PHF24: variants seen among roughly 807,000 people sequenced by gnomAD.
The protein encoded by PHF24 is PHD finger protein 24.
Under a neutral mutation model 42.6 loss-of-function variants are expected in PHF24, and 25 were observed. That is an observed-to-expected ratio of 0.59 (90% CI 0.43 to 0.82). The LOEUF (loss-of-function observed/expected upper bound fraction) is 0.82, where lower values mean the gene tolerates loss of function less well. Ranked by LOEUF, PHF24 falls within the 40% of genes least tolerant of loss-of-function variation. PHF24 has a pLI of 0.00. For synonymous variants in PHF24, 185 were observed against 204.8 expected (o/e 0.90, Z 0.83); for missense variants, 470 against 538.1 (o/e 0.87, Z 1.25).
the PHF24 span, among the ~76,000 whole-genome samples, chr9:34,911,134 A>G: frequency 6.6e-6 from 1 of 151,944 alleles, no homozygotes; most frequent in East Asian, 2.0e-4. Flanking sequence ...TATTTTGTCT[A>G]ATTACTAACT....
chr9:34,723,070 G>T, the PHF24 span: 2 of 787,858 alleles, frequency 2.5e-6, no homozygotes, highest in Non-Finnish European at 4.0e-6. Context: ...GAAATATAGA[G>T]TGTATTTCTA....
At chr9:34,962,263 C>G (rs1826614046) in intron 1 of PHF24, among the ~76,000 whole-genome samples, 1 of 152,178 alleles carries the variant, frequency 6.6e-6, no homozygotes, top group African/African-American at 2.4e-5. Flanking sequence ...CTATTTCTAT[C>G]TAGCCCCCAG....
At chr9:34,740,815 A>T in the PHF24 span, among the ~76,000 whole-genome samples, 1 of 152,240 alleles carries the variant, frequency 6.6e-6, no homozygotes, top group African/African-American at 2.4e-5. Context: ...ACCATTAAAA[A>T]GGATGAGGTA....
exon 7 of PHF24, chr9:34,977,553 C>G: frequency 6.2e-7 from 1 of 1,607,742 alleles, no homozygotes; most frequent in Middle Eastern, 1.7e-4. Flanking sequence ...CAGCATCAGC[C>G]ATGTGGGTCC....
chr9:34,749,251 G>A, the PHF24 span, among the ~76,000 whole-genome samples: 2 of 151,964 alleles, frequency 1.3e-5, no homozygotes, highest in African/African-American at 2.4e-5. Flanking sequence ...AAGGGTTATC[G>A]GTCTGAAAGA....
the PHF24 span, chr9:34,837,682 CCTGA>C: frequency 6.6e-7 from 1 of 1,523,994 alleles, no homozygotes; most frequent in Non-Finnish European, 8.9e-7. Context: ...TAGCTCTTTG[CCTGA>C]CTTTTTGGTG....
the PHF24 span, among the ~76,000 whole-genome samples, chr9:34,900,288 A>G: frequency 3.3e-5 from 5 of 152,212 alleles, no homozygotes; most frequent in African/African-American, 1.2e-4. Flanking sequence ...AATTCCAAAG[A>G]CATTTAAAGG....
At chr9:34,901,992 G>A in the PHF24 span, among the ~76,000 whole-genome samples, 5 of 152,148 alleles carry the variant, frequency 3.3e-5, no homozygotes, top group African/African-American at 1.2e-4. Flanking sequence ...CAGGTACATG[G>A]AGGTATGTTA....
At chr9:34,809,901 A>C in the PHF24 span, among the ~76,000 whole-genome samples, 6 of 150,866 alleles carry the variant, frequency 4.0e-5, no homozygotes, top group Non-Finnish European at 8.9e-5. The surrounding 1 kb of genome is among the most constrained non-coding windows in gnomAD (Gnocchi z 4.1). Context: ...CGGTGCCCCT[A>C]GCTGATTCGG....
chr9:34,887,128 T>C, the PHF24 span, among the ~76,000 whole-genome samples: 2 of 152,144 alleles, frequency 1.3e-5, no homozygotes, highest in Non-Finnish European at 2.9e-5. Context: ...ACATTTTTTT[T>C]TCTCTAATTG....
the PHF24 span, among the ~76,000 whole-genome samples, chr9:34,781,877 C>G: frequency 6.6e-6 from 1 of 152,170 alleles, no homozygotes; most frequent in Non-Finnish European, 1.5e-5. Flanking sequence ...CTGCAAAACT[C>G]TGTATTATTT....
chr9:34,813,549 A>G, the PHF24 span, among the ~76,000 whole-genome samples: 1 of 152,198 alleles, frequency 6.6e-6, no homozygotes, highest in Non-Finnish European at 1.5e-5. Flanking sequence ...GCTCACTCAG[A>G]TTGTTGGCAG....
At chr9:34,833,491 C>T in the PHF24 span, 1 of 1,551,048 alleles carries the variant, frequency 6.4e-7, no homozygotes, top group Admixed American at 2.0e-5. Context: ...GCAATGTCTC[C>T]CCTTGGTGGT....
the PHF24 span, among the ~76,000 whole-genome samples, chr9:34,844,660 T>C: frequency 6.6e-6 from 1 of 152,194 alleles, no homozygotes; most frequent in African/African-American, 2.4e-5. Flanking sequence ...TTGACATTAT[T>C]TCAGTCTTCT....
chr9:34,769,421 A>G, the PHF24 span, among the ~76,000 whole-genome samples: 4 of 152,188 alleles, frequency 2.6e-5, no homozygotes, highest in South Asian at 2.1e-4. Flanking sequence ...ATGCCTGGCC[A>G]TAAATGCAAT....
the PHF24 span, among the ~76,000 whole-genome samples, chr9:34,877,769 A>G: frequency 6.6e-6 from 1 of 152,100 alleles, no homozygotes. Context: ...GTACATGTGC[A>G]GAATGTGCAG....
chr9:34,832,294 G>A, the PHF24 span: 1 of 597,750 alleles, frequency 1.7e-6, no homozygotes, highest in Admixed American at 2.8e-5. Flanking sequence ...AGGGTTAGGA[G>A]CTAGGGTGGG....
chr9:34,967,216 A>C (rs1255394732), intron 1 of PHF24, among the ~76,000 whole-genome samples: 1 of 152,214 alleles, frequency 6.6e-6, no homozygotes, highest in African/African-American at 2.4e-5. Context: ...ACATCAGTTA[A>C]GGGCAGCACT....
At chr9:34,858,243 G>T in the PHF24 span, among the ~76,000 whole-genome samples, 2 of 152,116 alleles carry the variant, frequency 1.3e-5, no homozygotes, top group Admixed American at 6.5e-5. Context: ...AAGAAGAAAA[G>T]ATATATTTCA....
Sources: allele counts gnomAD v4.1 joint callset (sites outside exome capture counted in the v4.1 genomes callset), GRCh38; gene constraint gnomAD v4.1.1; non-coding constraint Gnocchi (gnomAD v3.1); transcripts MANE v1.5; gene names NCBI Gene and HGNC (gene_info 2026-07-23, HGNC 2026-07-21).